ITGAM: variants seen among roughly 807,000 people sequenced by gnomAD.
ITGAM encodes the protein integrin alpha-M.
In ITGAM, 79 loss-of-function variants were observed where a neutral mutation model predicts 137.5. The ratio of observed to expected loss-of-function variants is 0.57; its 90% confidence interval spans 0.48 to 0.69. The LOEUF (loss-of-function observed/expected upper bound fraction) is 0.69. Among genes scored for constraint, ITGAM ranks in the 30% least tolerant of loss-of-function variants. ITGAM has a pLI of 0.00. For synonymous variants in ITGAM, 583 were observed against 592.3 expected, an observed-to-expected ratio of 0.98 and a Z score of 0.23; for missense variants, 1,343 against 1,483.5, an observed-to-expected ratio of 0.91 and a Z score of 1.56.
chr16:31,310,734 G>C (rs1163040848), intron 14 of ITGAM, among the ~76,000 whole-genome samples: 10 of 152,282 alleles, frequency 6.6e-5, no homozygotes, highest in Middle Eastern at 3.4e-3. Context: ...TCCGTTGCTG[G>C]TGAGGAGCTG....
intron 25 of ITGAM, 46 bp from the exon 26 acceptor site, chr16:31,330,035 C>G: frequency 6.3e-7 from 1 of 1,586,056 alleles, no homozygotes; most frequent in African/African-American, 1.3e-5. Context: ...AGATGAGGCC[C>G]TGGCGCCTTC....
At chr16:31,317,185 G>T (rs1008715676) in intron 14 of ITGAM, among the ~76,000 whole-genome samples, 3 of 152,106 alleles carry the variant, frequency 2.0e-5, no homozygotes, top group African/African-American at 7.2e-5. Context: ...CCTAATTTTA[G>T]TGGTAAAATC....
At chr16:31,272,227 C>A (rs1390034416) in intron 7 of ITGAM, among the ~76,000 whole-genome samples, 1 of 150,850 alleles carries the variant, frequency 6.6e-6, no homozygotes, top group African/African-American at 2.4e-5. Flanking sequence ...TCAGCTCAGG[C>A]CAGGGAGCCA....
At chr16:31,325,680 C>T in intron 21 of ITGAM, 58 bp downstream of exon 21, 1 of 1,571,258 alleles carries the variant, frequency 6.4e-7, no homozygotes, top group Non-Finnish European at 8.6e-7. Flanking sequence ...GGATTCTTTT[C>T]TTCTTCTTCT....
At chr16:31,328,360 G>A in intron 23 of ITGAM, 130 bp downstream of exon 23, 1 of 733,166 alleles carries the variant, frequency 1.4e-6, no homozygotes, top group Non-Finnish European at 2.4e-6. Flanking sequence ...ATGTATGTGT[G>A]CATGGGTGTG....
intron 14 of ITGAM, among the ~76,000 whole-genome samples, chr16:31,319,014 A>ATACATAT (rs2080420864): frequency 6.6e-6 from 1 of 151,586 alleles, no homozygotes; most frequent in Non-Finnish European, 1.5e-5. Flanking sequence ...GTTTTTTTCC[A>ATACATAT]GTTTTTCTTC....
chr16:31,332,388 G>C lies in ITGAM; in HGVS notation c.*681G>C, dbSNP rs549696547. On this transcript the variant is annotated 3_prime_UTR_variant, in exon 30 of 30. Transcript: ENST00000544665. ...AAGATGCCCACTGAGGAATGATGAA[G>C]CTTCCTTTCTGGATTCATTTATTAT... 1 of 152,376 alleles carries C rather than the reference G, an allele frequency of 6.6e-6. No homozygotes were observed. The highest frequency in any genetic ancestry group is 2.1e-4 in the South Asian group (1 of 4,826). 9.4% of individuals were successfully genotyped at this position (152,376 alleles called of 1,614,324 possible). A position where few individuals can be genotyped will look rare whatever the true frequency, so the allele number is the denominator to read the frequency against.
chr16:31,329,403 T>A (rs2080551761), intron 24 of ITGAM, 100 bp downstream of exon 24: 2 of 880,510 alleles, frequency 2.3e-6, no homozygotes, highest in Middle Eastern at 2.7e-4. Context: ...GCAAGGCACC[T>A]GTGGTGTGCC....
At position 31,261,692 on chromosome 16, in the gene ITGAM, C is replaced by T. The variant is rs370788044; in HGVS notation, c.29C>T (p.Ala10Val). The T allele has an allele frequency of 1.2e-6, 2 of 1,605,540 alleles. No individual in the cohort carries two copies. Among genetic ancestry groups the T allele is most frequent in the African/African-American group, 2.7e-5 (2 of 74,612 alleles). MALRVLLLTALTLCHGFNLD... is the reference protein window; with the variant it reads MALRVLLLTVLTLCHGFNLD... ...GATCCTTCCCCCATTCTCCCTTTAGCCTTGACCTTATGTCATGGGTTCAAC... is the reference window on the plus strand; with the variant it reads ...GATCCTTCCCCCATTCTCCCTTTAGTCTTGACCTTATGTCATGGGTTCAAC... The change falls in exon 2 of 30, where the codon GCC (alanine) becomes GTC (valine). Residue 10 changes from alanine to valine, a missense_variant and splice_region_variant. Ala to Val is a moderately conservative substitution (Grantham distance 64). Coordinates refer to ENST00000544665, the MANE Select transcript of ITGAM (RefSeq NM_000632.4).
chr16:31,285,495 C>G (rs1300673000), intron 12 of ITGAM, among the ~76,000 whole-genome samples: 1 of 152,014 alleles, frequency 6.6e-6, no homozygotes, highest in African/African-American at 2.4e-5. Context: ...GTTAGCCAAG[C>G]GTGGTGGCGT....
chr16:31,313,711 T>C (rs1439054313), intron 14 of ITGAM, among the ~76,000 whole-genome samples: 6 of 152,148 alleles, frequency 3.9e-5, no homozygotes, highest in African/African-American at 7.2e-5. Context: ...GTCTTTATAG[T>C]AGAATGATTT....
rs1398944257 is a variant in ITGAM, at chr16:31,276,658, C to G, written c.1010-13C>G. On this transcript the variant is annotated splice_polypyrimidine_tract_variant and intron_variant, in intron 9 of 29. Coordinates refer to ENST00000544665, the MANE Select transcript of ITGAM (RefSeq NM_000632.4). ...TCTGCTTTCTTTAATATAGAAACTT[C>G]TCCTCTTTACAGGTACTCAGACAGG... 6.2e-7 allele frequency: 1 copy of G among 1,602,146 alleles called. No individual in the cohort carries two copies.
Position 31,275,710 on chromosome 16 carries a change from C to T in ITGAM, c.1009+11C>T. The T allele has an allele frequency of 1.2e-6, 2 of 1,613,430 alleles. No homozygotes were observed. Among genetic ancestry groups the T allele is most frequent in the South Asian group, 2.2e-5 (2 of 91,032 alleles). ...TCTTTGCGATCGAGGGTGAGTCAGG[C>T]ATCTGTGTTCCCAGAGCAGCTCCAG... On this transcript the variant is annotated intron_variant, in intron 9 of 29. Transcript: ENST00000544665.
At chr16:31,311,944 A>G (rs1441543659) in intron 14 of ITGAM, among the ~76,000 whole-genome samples, 2 of 152,082 alleles carry the variant, frequency 1.3e-5, no homozygotes, top group Non-Finnish European at 2.9e-5. Context: ...ACCATGGAAC[A>G]CTACGCAGCC....
chr16:31,277,936 T>G (rs1412469189), intron 11 of ITGAM, 31 bp from the exon 12 acceptor site: 1 of 1,563,092 alleles, frequency 6.4e-7, no homozygotes, highest in South Asian at 1.2e-5. Context: ...GGGCAGGGAA[T>G]GCACTTCACC....
Position 31,297,794 on chromosome 16 carries a change from C to A in ITGAM, c.1547C>A (p.Pro516His), listed in dbSNP as rs377161617. Residue 516 changes from proline (P) to histidine (H), a missense_variant, in exon 14 of 30, where the codon CCC becomes CAC. By Grantham distance (77) the Pro-to-His change is moderately conservative (BLOSUM62 -2). Transcript: ENST00000544665. ...DAVLYGEQGQ[P>H]WGRFGAALTV... ...GTTCTCTACGGGGAGCAGGGCCAAC[C>A]CTGGGGCCGCTTTGGGGCAGCCCTA... 1.2e-6 allele frequency: 2 copies of A among 1,608,312 alleles called. No individual in the cohort carries two copies. The highest frequency in any genetic ancestry group is 4.5e-5 in the East Asian group (2 of 44,848).
chr16:31,270,873 T>G, intron 5 of ITGAM, 81 bp from the exon 6 acceptor site: 1 of 909,820 alleles, frequency 1.1e-6, no homozygotes, highest in Non-Finnish European at 1.5e-6. Context: ...TTCTCATTGT[T>G]CAGCAGAGGG....
At chr16:31,305,057 A>AT (rs2080251925) in intron 14 of ITGAM, among the ~76,000 whole-genome samples, 1 of 152,000 alleles carries the variant, frequency 6.6e-6, no homozygotes, top group African/African-American at 2.4e-5. Flanking sequence ...CAGTATGGTC[A>AT]TTTTCACAAT....
chr16:31,283,584 T>A (rs540284075), intron 12 of ITGAM, among the ~76,000 whole-genome samples: 2 of 152,326 alleles, frequency 1.3e-5, no homozygotes, highest in Admixed American at 1.3e-4. Flanking sequence ...TCATTTAAGG[T>A]CTTCTCTATG....
Sources: allele counts gnomAD v4.1 joint callset (sites outside exome capture counted in the v4.1 genomes callset), GRCh38; gene constraint gnomAD v4.1.1; transcripts MANE v1.5; gene names NCBI Gene and HGNC (gene_info 2026-07-23, HGNC 2026-07-21).